Variants in ALOX5 observed in about 807,000 individuals in gnomAD.
The protein encoded by ALOX5 is polyunsaturated fatty acid 5-lipoxygenase.
ALOX5 carries 64 observed loss-of-function variants against 87.9 expected under a neutral mutation model. The observed-to-expected ratio is 0.73, with a 90% CI of 0.60 to 0.90. The LOEUF (loss-of-function observed/expected upper bound fraction) is 0.90, where lower values mean the gene tolerates loss of function less well. Ranked by LOEUF, ALOX5 falls within the 40% of genes least tolerant of loss-of-function variation. The pLI, the probability that ALOX5 is intolerant of heterozygous loss-of-function variation, is 0.00. For missense variants in ALOX5, 822 were observed against 907.5 expected, an observed-to-expected ratio of 0.91 and a Z score of 1.21; for synonymous variants, 388 against 355.1, an observed-to-expected ratio of 1.09 and a Z score of -1.04.
intron 1 of ALOX5, 52 bp downstream of exon 1, chr10:45,374,481 C>T (rs886678480): frequency 2.1e-6 from 3 of 1,436,432 alleles, no homozygotes; most frequent in Admixed American, 5.8e-5. Context: ...CGTCCGGGAC[C>T]CGGTTTGGAC....
intron 4 of ALOX5, among the ~76,000 whole-genome samples, chr10:45,418,944 G>A (rs1841399047): frequency 1.3e-5 from 2 of 152,376 alleles, no homozygotes; most frequent in South Asian, 4.1e-4. Flanking sequence ...TCCTGGAAGA[G>A]GTGGGGGCGA....
chr10:45,422,989 C>T (rs1302834713), intron 4 of ALOX5, among the ~76,000 whole-genome samples: 1 of 152,154 alleles, frequency 6.6e-6, no homozygotes, highest in Admixed American at 6.5e-5. Flanking sequence ...CCTCTTCTTA[C>T]GAGGATGCTA....
intron 4 of ALOX5, among the ~76,000 whole-genome samples, chr10:45,420,096 A>G (rs951867109): frequency 2.0e-5 from 3 of 152,226 alleles, no homozygotes; most frequent in African/African-American, 2.4e-5. Context: ...CTGTGACACA[A>G]GTAGGATTCT....
intron 10 of ALOX5, 53 bp downstream of exon 10, chr10:45,443,269 A>G: frequency 6.3e-7 from 1 of 1,591,870 alleles, no homozygotes; most frequent in Non-Finnish European, 8.6e-7. Context: ...CCCCTGCCTG[A>G]CTACCTGGGG....
intron 7 of ALOX5, among the ~76,000 whole-genome samples, chr10:45,434,852 G>A (rs1301072084): frequency 3.3e-5 from 5 of 152,208 alleles, no homozygotes; most frequent in South Asian, 4.1e-4. Flanking sequence ...ACCTATGAAA[G>A]GAGGCTCCCC....
At chr10:45,402,459 C>T (rs1045977541) in intron 3 of ALOX5, among the ~76,000 whole-genome samples, 4 of 152,102 alleles carry the variant, frequency 2.6e-5, no homozygotes, top group East Asian at 1.9e-4. Context: ...ACATGCATCT[C>T]GAGGACAGGG....
At chr10:45,441,548 C>CT in intron 9 of ALOX5, 118 bp downstream of exon 9, 2 of 1,001,718 alleles carry the variant, frequency 2.0e-6, no homozygotes, top group Non-Finnish European at 3.0e-6. Flanking sequence ...CTGGAGTCTG[C>CT]TCAGAGCACT....
chr10:45,435,999 A>G (rs1842051236), intron 7 of ALOX5, among the ~76,000 whole-genome samples: 1 of 152,032 alleles, frequency 6.6e-6, no homozygotes, highest in African/African-American at 2.4e-5. Context: ...TGTGGTTTTA[A>G]TTTGCATTTC....
chr10:45,416,479 G>C (rs1189712298), intron 4 of ALOX5, among the ~76,000 whole-genome samples: 1 of 152,200 alleles, frequency 6.6e-6, no homozygotes, highest in Non-Finnish European at 1.5e-5. Flanking sequence ...CTCTGGGATT[G>C]GGATTGTTGA....
Position 45,444,145 on chromosome 10 carries a change from G to C in ALOX5, c.1704G>C (p.Ala568=). 6.4e-7 allele frequency: 1 copy of C among 1,551,504 alleles called. No homozygotes were observed. The highest frequency in any genetic ancestry group is 1.2e-5 in the South Asian group (1 of 84,106). ...QYDWCSWIPN[A]PPTMRAPPPT... is the part of the protein sequence containing the mutation. ...ACTGGTGCTCCTGGATCCCCAATGC[G>C]CCCCCAACCATGCGAGCCCCGCCAC... Residue 568 remains alanine, a synonymous_variant, in exon 13 of 14, where the codon GCG becomes GCC. Coordinates refer to ENST00000374391, the MANE Select transcript of ALOX5 (RefSeq NM_000698.5).
At chr10:45,400,680 A>G (rs1289589249) in intron 3 of ALOX5, among the ~76,000 whole-genome samples, 1 of 152,210 alleles carries the variant, frequency 6.6e-6, no homozygotes, top group Non-Finnish European at 1.5e-5. Flanking sequence ...GCTAAATGGA[A>G]AACTCACTTA....
At chr10:45,441,134 C>T (rs1842221473) in intron 8 of ALOX5, among the ~76,000 whole-genome samples, 1 of 152,200 alleles carries the variant, frequency 6.6e-6, no homozygotes, top group Non-Finnish European at 1.5e-5. Flanking sequence ...CTGGCCAGGA[C>T]CCTCTGAATC....
chr10:45,441,775 C>G (rs539909961), intron 9 of ALOX5, among the ~76,000 whole-genome samples: 1 of 152,050 alleles, frequency 6.6e-6, no homozygotes, highest in Non-Finnish European at 1.5e-5. Context: ...GTGTCTGCCT[C>G]TTAATCTGCC....
At chr10:45,405,315 C>T (rs949056998) in intron 3 of ALOX5, among the ~76,000 whole-genome samples, 2 of 152,192 alleles carry the variant, frequency 1.3e-5, no homozygotes, top group Non-Finnish European at 2.9e-5. Context: ...GATACTTTTG[C>T]CCATCCATAC....
chr10:45,379,408 C>T (rs1169296814), intron 1 of ALOX5, among the ~76,000 whole-genome samples: 1 of 152,228 alleles, frequency 6.6e-6, no homozygotes, highest in East Asian at 1.9e-4. Flanking sequence ...GCTCTGCCTG[C>T]CCCACCAGCA....
intron 1 of ALOX5, among the ~76,000 whole-genome samples, chr10:45,374,691 C>T (rs1839525828): frequency 6.6e-6 from 1 of 152,214 alleles, no homozygotes; most frequent in Non-Finnish European, 1.5e-5. Context: ...AGACTTCCCG[C>T]GTGCCGCCTG....
chr10:45,423,897 G>C (rs753754756), intron 4 of ALOX5, 144 bp from the exon 5 acceptor site: 65 of 687,974 alleles, frequency 9.4e-5, no homozygotes, highest in Non-Finnish European at 1.5e-4. Context: ...TTCTGACCTG[G>C]TTCTGAAAAG....
At chr10:45,443,298 C>T (rs1051713) in intron 10 of ALOX5, 82 bp downstream of exon 10, 273,334 of 1,580,060 alleles carry the variant, frequency 0.17, 24,415 homozygotes, top group South Asian at 0.2. Context: ...GCCCCTCCAC[C>T]GCTAGCGCTG....
At chr10:45,391,010 T>TCTCCCCTCTCCCCTCTCC (rs1564416256) in intron 2 of ALOX5, among the ~76,000 whole-genome samples, 2 of 29,354 alleles carry the variant, frequency 6.8e-5, no homozygotes, top group African/African-American at 1.5e-4. Context: ...CTCCCCTCTC[T>TCTCCCCTCTCCCCTCTCC]CCTCTCCCAT....
Sources: allele counts gnomAD v4.1 joint callset (sites outside exome capture counted in the v4.1 genomes callset), GRCh38; gene constraint gnomAD v4.1.1; transcripts MANE v1.5; gene names NCBI Gene and HGNC (gene_info 2026-07-23, HGNC 2026-07-21).